Variants in AKAP10 observed in about 807,000 individuals in gnomAD.
AKAP10 encodes the protein A-kinase anchor protein 10, mitochondrial.
AKAP10 carries 24 observed loss-of-function variants against 80.8 expected under a neutral mutation model. The observed-to-expected ratio is 0.30, with a 90% CI of 0.22 to 0.42. The LOEUF is 0.42. Ranked by LOEUF, AKAP10 falls within the 10% of genes least tolerant of loss-of-function variation. AKAP10 has a pLI of 1.00. For synonymous variants in AKAP10, 291 were observed against 277.7 expected (o/e 1.05, Z -0.48); for missense variants, 661 against 794.9 (o/e 0.83, Z 2.03).
intron 12 of AKAP10, among the ~76,000 whole-genome samples, chr17:19,912,332 T>G (rs970104601): frequency 4.0e-5 from 6 of 151,820 alleles, no homozygotes; most frequent in Non-Finnish European, 7.4e-5. Context: ...AGATCAGGAG[T>G]TCGAGACCAG....
intron 4 of AKAP10, among the ~76,000 whole-genome samples, chr17:19,956,714 A>G (rs745748185): frequency 1.3e-5 from 2 of 152,118 alleles, no homozygotes; most frequent in Non-Finnish European, 2.9e-5. Flanking sequence ...TGCGATGAAA[A>G]TAACATGCCG....
At chr17:19,946,275 A>ATATATTTT (rs1396725688) in intron 5 of AKAP10, among the ~76,000 whole-genome samples, 1 of 12,944 alleles carries the variant, frequency 7.7e-5, no homozygotes, top group African/African-American at 2.5e-4. Context: ...ATATATATAT[A>ATATATTTT]TTTTTTTTTT....
rs1436185094 is a variant in AKAP10 at position 19,924,511 on chromosome 17, C to G, written c.1648G>C (p.Val550Leu). 2 of 1,588,058 alleles carry G rather than the reference C, an allele frequency of 1.3e-6. No individual in the cohort carries two copies. The highest frequency in any genetic ancestry group is 1.7e-6 in the Non-Finnish European group (2 of 1,161,198). The change falls in exon 11 of 15, where the codon GTG becomes CTG. Residue 550 changes from valine to leucine, a missense_variant. Transcript: ENST00000225737. ...SSDSSASQSS[V>L]KKASIKILKN... Reference sequence around the variant, plus strand: ...AGTATTTTAATACTGGCTTTTTTCACACTGGACTACAATAGAAATTGTAAA... The same window carrying G: ...AGTATTTTAATACTGGCTTTTTTCAGACTGGACTACAATAGAAATTGTAAA...
At chr17:19,936,201 T>C in intron 9 of AKAP10, 85 bp downstream of exon 9, 1 of 1,454,018 alleles carries the variant, frequency 6.9e-7, no homozygotes, top group Non-Finnish European at 9.3e-7. Flanking sequence ...CACTGTGCTA[T>C]TCTGCTTGGT....
chr17:19,973,669 G>C (rs2043527540), intron 1 of AKAP10, among the ~76,000 whole-genome samples: 1 of 152,210 alleles, frequency 6.6e-6, no homozygotes, highest in South Asian at 2.1e-4. Context: ...TATAAAACCA[G>C]CTCCCTCTTG....
At chr17:19,962,689 A>T in intron 3 of AKAP10, 151 bp downstream of exon 3, 1 of 739,542 alleles carries the variant, frequency 1.4e-6, no homozygotes, top group Non-Finnish European at 2.1e-6. Flanking sequence ...GGAACACAAC[A>T]CAGCTACCCA....
chr17:19,921,661 CTTCAT>C (rs1357647879), intron 11 of AKAP10, among the ~76,000 whole-genome samples: 4 of 151,516 alleles, frequency 2.6e-5, no homozygotes, highest in South Asian at 2.1e-4. Context: ...CATAGTGAGA[CTTCAT>C]TTCATTTTTT....
At chr17:19,950,444 G>A (rs2152416364) in intron 4 of AKAP10, among the ~76,000 whole-genome samples, 1 of 152,322 alleles carries the variant, frequency 6.6e-6, no homozygotes, top group South Asian at 2.1e-4. Context: ...AGAGTGCCTG[G>A]GATTGCAGGC....
At chr17:19,953,421 T>C (rs1173634049) in intron 4 of AKAP10, among the ~76,000 whole-genome samples, 1 of 147,078 alleles carries the variant, frequency 6.8e-6, no homozygotes, top group Non-Finnish European at 1.5e-5. Flanking sequence ...GAGCAGAAAA[T>C]CAATAAAATT....
intron 4 of AKAP10, among the ~76,000 whole-genome samples, chr17:19,952,438 T>G (rs2152416799): frequency 6.6e-6 from 1 of 151,692 alleles, no homozygotes; most frequent in South Asian, 2.1e-4. Flanking sequence ...CACTCCAGCT[T>G]GGGCAACAAG....
In AKAP10 at chr17:19,905,913, G is replaced by C; in HGVS notation, c.*314C>G. On this transcript the variant is annotated 3_prime_UTR_variant, in exon 15 of 15. Coordinates refer to ENST00000225737, the MANE Select transcript of AKAP10 (RefSeq NM_007202.4). ...CTGCTTCCCAGAGGATGTGGTCCCT[G>C]TCTATTCCAGTAGGCTAAAACACTC... The C allele has an allele frequency of 3.0e-6, 1 of 335,862 alleles. No homozygotes were observed. 20.8% of individuals were successfully genotyped at this position (335,862 alleles called of 1,614,324 possible). A position where few individuals can be genotyped will look rare whatever the true frequency, so the allele number is the denominator to read the frequency against.
At chr17:19,959,088 G>A (rs1253908875) in intron 3 of AKAP10, among the ~76,000 whole-genome samples, 1 of 151,654 alleles carries the variant, frequency 6.6e-6, no homozygotes, top group African/African-American at 2.4e-5. Context: ...CCTGACCTTC[G>A]GCAATCCACC....
chr17:19,927,079 G>A (rs1363968054), intron 10 of AKAP10, among the ~76,000 whole-genome samples: 1 of 152,214 alleles, frequency 6.6e-6, no homozygotes, highest in Admixed American at 6.5e-5. Flanking sequence ...GCTCACACCT[G>A]TAATCCCAGC....
chr17:19,974,289 G>T (rs1041124140), intron 1 of AKAP10, among the ~76,000 whole-genome samples: 1 of 152,240 alleles, frequency 6.6e-6, no homozygotes, highest in Non-Finnish European at 1.5e-5. Context: ...TTTAGATATT[G>T]TAAGTTGAAG....
chr17:19,931,462 T>C (rs950451828), intron 10 of AKAP10, among the ~76,000 whole-genome samples: 1 of 150,996 alleles, frequency 6.6e-6, no homozygotes, highest in African/African-American at 2.4e-5. Flanking sequence ...GTGATTTTGG[T>C]TCATTGCAAC....
At chr17:19,947,168 G>A in intron 5 of AKAP10, 1 of 483,920 alleles carries the variant, frequency 2.1e-6, no homozygotes, top group Non-Finnish European at 3.7e-6. Context: ...CAGCGGGCAG[G>A]CCTGAGCACC....
intron 10 of AKAP10, among the ~76,000 whole-genome samples, chr17:19,931,037 G>A (rs2152412827): frequency 6.6e-6 from 1 of 152,198 alleles, no homozygotes; most frequent in East Asian, 1.9e-4. Context: ...AGCCAGGCGT[G>A]GTGGTGCATG....
At chr17:19,914,419 G>A (rs1016197450) in intron 12 of AKAP10, among the ~76,000 whole-genome samples, 17 of 152,142 alleles carry the variant, frequency 1.1e-4, no homozygotes, top group African/African-American at 3.9e-4. Context: ...GGGAGGCTGA[G>A]AGATGTGGAT....
In AKAP10 at chr17:19,920,095, C is replaced by T; in HGVS notation, c.1775G>A (p.Ser592Asn). 2 of 1,612,702 alleles carry T rather than the reference C, an allele frequency of 1.2e-6. No individual in the cohort carries two copies. The highest frequency in any genetic ancestry group is 1.7e-6 in the Non-Finnish European group (2 of 1,178,780). ...YAGKMTFGRV[S>N]DLGQFIRESE... ...TTCTCGGATGAATTGCCCCAAGTCA[C>T]TGACTCTTCCAAATGTCATCTTCCT... The change falls in exon 12 of 15, where the codon AGT (serine) becomes AAT (asparagine). Residue 592 changes from serine (S) to asparagine (N), a missense_variant. Transcript: ENST00000225737.
Sources: gnomAD v4.1 joint callset for allele counts (sites outside exome capture counted in the v4.1 genomes callset) on GRCh38, gnomAD v4.1.1 for gene constraint, MANE v1.5 for transcripts, NCBI Gene and HGNC (gene_info 2026-07-23, HGNC 2026-07-21) for gene names.